The following FAM13B variants were observed in gnomAD, a reference collection of about 807,000 sequenced individuals.
The protein encoded by FAM13B is family with sequence similarity 13 member B, also known as protein FAM13B.
In FAM13B, 60 loss-of-function variants were observed where a neutral mutation model predicts 117.3. The ratio of observed to expected loss-of-function variants is 0.51; its 90% CI spans 0.42 to 0.63. The LOEUF (loss-of-function observed/expected upper bound fraction) is 0.63. FAM13B is among the 30% of genes least tolerant of loss of function. The pLI is 0.00. For synonymous variants in FAM13B, 332 were observed against 356.1 expected (o/e 0.93, Z 0.76); for missense variants, 972 against 1,091.9 (o/e 0.89, Z 1.55).
chr5:137,962,606 T>G (rs1768469618), intron 10 of FAM13B, 137 bp from the exon 11 acceptor site: 1 of 659,318 alleles, frequency 1.5e-6, no homozygotes, highest in African/African-American at 1.8e-5. Flanking sequence ...TAGTCTGTAG[T>G]ACTTAGCATC....
intron 10 of FAM13B, among the ~76,000 whole-genome samples, chr5:137,975,112 G>A: frequency 6.6e-6 from 1 of 152,064 alleles, no homozygotes; most frequent in East Asian, 1.9e-4. Context: ...CACAAAGTTT[G>A]CTGACTCCTG....
intron 10 of FAM13B, among the ~76,000 whole-genome samples, 187 bp from the exon 11 acceptor site, chr5:137,962,656 G>A (rs1191425070): frequency 6.6e-6 from 1 of 151,880 alleles, no homozygotes; most frequent in Non-Finnish European, 1.5e-5. Flanking sequence ...TCAAAACCTG[G>A]GTCATATGAA....
At chr5:137,980,838 G>C (rs542924136) in intron 10 of FAM13B, among the ~76,000 whole-genome samples, 3 of 152,106 alleles carry the variant, frequency 2.0e-5, no homozygotes, top group African/African-American at 7.2e-5. Flanking sequence ...AATGCTTAAT[G>C]AATACCTACT....
rs1217823023 is a variant in FAM13B, at chr5:137,988,274, T to TCTA, written c.889_890insTAG (p.Thr296_Asp297insVal). On this transcript the variant is annotated inframe_insertion and splice_region_variant, in exon 8 of 24. Coordinates refer to ENST00000689681, the MANE Select transcript of FAM13B (RefSeq NM_001385994.1). ...TGTCTTCTATAAATATACTACTTACTCTGTAGAGGCTGGTAGGATGCTGAT... is the reference window on the plus strand; with the variant it reads ...TGTCTTCTATAAATATACTACTTACTCTACTGTAGAGGCTGGTAGGATGCTGAT... The TCTA allele has an allele frequency of 1.3e-6, 2 of 1,548,224 alleles. No individual in the cohort carries two copies. Among genetic ancestry groups the TCTA allele is most frequent in the Non-Finnish European group, 1.7e-6 (2 of 1,158,280 alleles).
upstream of FAM13B, chr5:138,037,281 A>T (rs778545052): frequency 6.5e-6 from 1 of 152,852 alleles, no homozygotes; most frequent in Non-Finnish European, 1.5e-5. Context: ...ATTGTTATTT[A>T]TTTGCAAGAT....
At chr5:138,034,761 T>C (rs1374899567), upstream of FAM13B, among the ~76,000 whole-genome samples, 1 of 152,134 alleles carries the variant, frequency 6.6e-6, no homozygotes, top group Non-Finnish European at 1.5e-5. Flanking sequence ...ATATCTTAAA[T>C]GAAAGCTTTA....
intron 7 of FAM13B, among the ~76,000 whole-genome samples, chr5:138,001,400 G>T (rs1482812440): frequency 6.6e-6 from 1 of 152,128 alleles, no homozygotes; most frequent in Non-Finnish European, 1.5e-5. Flanking sequence ...ATCCAAGGTA[G>T]ATAATCAAAC....
chr5:138,030,860 C>T (rs1209235993), intron 1 of FAM13B, among the ~76,000 whole-genome samples: 1 of 151,650 alleles, frequency 6.6e-6, no homozygotes, highest in East Asian at 1.9e-4. Flanking sequence ...ATGGCAAAAC[C>T]CCGTCTTACA....
Position 138,011,023 on chromosome 5 carries a change from A to C in FAM13B, c.675T>G (p.Ser225Arg). 1.2e-6 allele frequency: 2 copies of C among 1,600,584 alleles called. No individual in the cohort carries two copies. The highest frequency in any genetic ancestry group is 1.7e-6 in the Non-Finnish European group (2 of 1,177,226). ...EEEDFSSNDL[S>R]SITEQVNELS... Reference sequence around the variant, plus strand: ...ATATTCTCACCTGTTCAGTAATTGAACTCAAATCATTAGATGAAAAATCTT... The same window carrying C: ...ATATTCTCACCTGTTCAGTAATTGACCTCAAATCATTAGATGAAAAATCTT... The change falls in exon 6 of 24, where the codon AGT becomes AGG. Residue 225 changes from serine (S) to arginine (R), a missense_variant. Ser to Arg is a moderately radical substitution (Grantham distance 110). Coordinates refer to ENST00000689681, the MANE Select transcript of FAM13B (RefSeq NM_001385994.1).
At chr5:137,981,937 G>A (rs1364282925) in intron 10 of FAM13B, among the ~76,000 whole-genome samples, 8 of 152,180 alleles carry the variant, frequency 5.3e-5, no homozygotes, top group Admixed American at 6.5e-5. Flanking sequence ...GCAAGACTAG[G>A]TAAGAATGTA....
chr5:138,018,218 C>G (rs534288692), intron 4 of FAM13B, 84 bp downstream of exon 4: 1 of 1,078,620 alleles, frequency 9.3e-7, no homozygotes, highest in African/African-American at 1.6e-5. Context: ...ACTATACTTA[C>G]TGTTTACATG....
At chr5:137,942,145 T>C (rs1343826406) in intron 22 of FAM13B, 100 bp from the exon 23 acceptor site, 35 of 935,696 alleles carry the variant, frequency 3.7e-5, no homozygotes, top group Non-Finnish European at 5.6e-5. Flanking sequence ...GCTGGGGAAC[T>C]GTTAGGTCTA....
At chr5:137,970,617 C>T (rs1345472841) in intron 10 of FAM13B, among the ~76,000 whole-genome samples, 1 of 151,974 alleles carries the variant, frequency 6.6e-6, no homozygotes, top group East Asian at 1.9e-4. Flanking sequence ...ACAATATTAA[C>T]TTTAAATGTA....
At chr5:137,990,544 C>A (rs1184675315) in intron 7 of FAM13B, among the ~76,000 whole-genome samples, 1 of 152,080 alleles carries the variant, frequency 6.6e-6, no homozygotes, top group Admixed American at 6.6e-5. Context: ...ATTTTCTCAC[C>A]CTTTTTTGTC....
chr5:137,972,942 C>T (rs1011023089), intron 10 of FAM13B, among the ~76,000 whole-genome samples: 2 of 151,490 alleles, frequency 1.3e-5, no homozygotes, highest in African/African-American at 2.4e-5. Context: ...CAAACCACTG[C>T]TCAAGGAAAT....
At position 138,047,563 on chromosome 5, in the gene FAM13B, G is replaced by A. The variant is rs537857555; in HGVS notation, c.-203+4315C>T. ...TCCCTAGAACCTGTGAATATGTTAC[G>A]GCACATAACAAATGGGAATAAAGGT... On this transcript the variant is annotated intron_variant, in intron 1 of 3. Transcript: ENST00000502471. Among the ~76,000 whole-genome samples, 7 of 152,180 alleles carry A rather than the reference G, an allele frequency of 4.6e-5. No homozygotes were observed. In the East Asian group the frequency reaches 5.8e-4, roughly 13 times the overall value.
rs1776922283 is a variant in FAM13B, at chr5:137,985,381, A to G, written c.1055T>C (p.Ile352Thr). The change falls in exon 10 of 24, where the codon ATT becomes ACT. Residue 352 changes from isoleucine (I) to threonine (T), a missense_variant. Coordinates refer to ENST00000689681, the MANE Select transcript of FAM13B (RefSeq NM_001385994.1). ...DGEGSNNQID[I>T]ADDIINASES... ...ACTGGCATTAATAATATCATCAGCA[A>G]TATCAATCCTAGGGATGAAGTTTAA... 9 of 1,613,466 alleles carry G rather than the reference A, an allele frequency of 5.6e-6. No homozygotes were observed. The highest frequency in any genetic ancestry group is 5.0e-5 in the Admixed American group (3 of 59,960).
intron 20 of FAM13B, among the ~76,000 whole-genome samples, chr5:137,943,451 A>T (rs1351991708): frequency 6.6e-6 from 1 of 152,214 alleles, no homozygotes. Flanking sequence ...CAGATATTTT[A>T]AAAATTCTAA....
chr5:137,945,876 A>C, intron 20 of FAM13B, 26 bp downstream of exon 20: 10 of 1,537,600 alleles, frequency 6.5e-6, no homozygotes, highest in Non-Finnish European at 8.9e-6. Context: ...AAAATGAACC[A>C]GAGAATTATT....
Sources: allele counts gnomAD v4.1 joint callset (sites outside exome capture counted in the v4.1 genomes callset), GRCh38; gene constraint gnomAD v4.1.1; transcripts MANE v1.5; gene names NCBI Gene and HGNC (gene_info 2026-07-23, HGNC 2026-07-21).